Variants in SLC12A7 observed in about 807,000 individuals in gnomAD.
The protein encoded by SLC12A7 is solute carrier family 12 member 7.
In SLC12A7, 100 loss-of-function variants were observed where a neutral mutation model predicts 120.6. The observed-to-expected ratio is 0.83, with a 90% CI of 0.71 to 0.98. The LOEUF (loss-of-function observed/expected upper bound fraction) is 0.98. SLC12A7 is among the 50% of genes least tolerant of loss of function. The probability of loss-of-function intolerance (pLI) is 0.00; values close to 1 mark genes in which losing one functional copy is unlikely to be tolerated. For synonymous variants in SLC12A7, 760 were observed against 678.0 expected (o/e 1.12, Z -1.88); for missense variants, 1,373 against 1,548.1 (o/e 0.89, Z 1.90).
At chr5:1,094,738 C>T (rs1740913609) in intron 1 of SLC12A7, among the ~76,000 whole-genome samples, 1 of 152,176 alleles carries the variant, frequency 6.6e-6, no homozygotes, top group South Asian at 2.1e-4. Flanking sequence ...CTGCTTAATC[C>T]GCCATTTCGG....
In SLC12A7 at chr5:1,076,799, C is replaced by G. The variant is rs146000356; in HGVS notation, c.1643G>C (p.Gly548Ala). Residue 548 changes from glycine (G) to alanine (A), a missense_variant, in exon 13 of 24, where the codon GGG (glycine) becomes GCG (alanine). By Grantham distance (60) the Gly-to-Ala change is moderately conservative (BLOSUM62 0). Coordinates refer to ENST00000264930, the MANE Select transcript of SLC12A7 (RefSeq NM_006598.3). ...IVPFLQVFGH[G>A]KANGEPTWAL... ...CCACGTGGGCTCCCCGTTGGCCTTC[C>G]CGTGGCCAAACACCTGCAGGGAGAA... is the stretch of plus-strand genomic sequence containing the variant. 5.0e-6 allele frequency: 8 copies of G among 1,609,208 alleles called. No homozygotes were observed. Among genetic ancestry groups the G allele is most frequent in the Non-Finnish European group, 5.9e-6 (7 of 1,179,240 alleles).
the SLC12A7 span, among the ~76,000 whole-genome samples, chr5:1,121,863 G>A: frequency 5.3e-5 from 8 of 152,176 alleles, 1 homozygote; most frequent in Admixed American, 4.6e-4. Flanking sequence ...GCAGGCCTTG[G>A]AGGCCACTGT....
At chr5:1,074,521 A>C in intron 16 of SLC12A7, 46 bp downstream of exon 16, 1 of 1,548,124 alleles carries the variant, frequency 6.5e-7, no homozygotes, top group Admixed American at 1.8e-5. Context: ...CCTCAGAAAC[A>C]GCTCTTCTGT....
chr5:1,129,602 C>G, the SLC12A7 span, among the ~76,000 whole-genome samples: 1 of 151,728 alleles, frequency 6.6e-6, no homozygotes. Flanking sequence ...GGGCATCGGC[C>G]AACCCCCGAG....
At chr5:1,078,485 G>T (rs1228395401) in intron 11 of SLC12A7, 1 of 611,070 alleles carries the variant, frequency 1.6e-6, no homozygotes, top group African/African-American at 1.9e-5. Flanking sequence ...GCCGCATCAG[G>T]GCTTGGAGTT....
the SLC12A7 span, among the ~76,000 whole-genome samples, chr5:1,149,236 G>T: frequency 6.6e-6 from 1 of 150,608 alleles, no homozygotes; most frequent in Non-Finnish European, 1.5e-5. Context: ...AGCGCACAAG[G>T]GTCCCCACTT....
intron 17 of SLC12A7, among the ~76,000 whole-genome samples, chr5:1,070,038 C>T: frequency 2.0e-4 from 1 of 4,898 alleles, no homozygotes; most frequent in African/African-American, 3.9e-4. Context: ...CTTATGCAGC[C>T]CCCAGTGAGC....
At chr5:1,076,275 C>T (rs1738326483) in intron 13 of SLC12A7, 39 bp from the exon 14 acceptor site, 3 of 1,513,006 alleles carry the variant, frequency 2.0e-6, no homozygotes, top group Middle Eastern at 1.7e-4. Flanking sequence ...GCCCACTGGG[C>T]CCCCCTGAGC....
chr5:1,079,617 G>C, intron 9 of SLC12A7, 121 bp from the exon 10 acceptor site: 1 of 780,966 alleles, frequency 1.3e-6, no homozygotes. Flanking sequence ...AGCTGCAGCC[G>C]AGGCTGCAGT....
Position 1,094,156 on chromosome 5 carries a change from C to A in SLC12A7, c.217G>T (p.Glu73Ter). ...CTTCTTCTAAAAAGTAAAGTTACCT[C>A]GAAAAGTGCCATGTTCTTCCCTTCA... ...FFEGKNMALF[E>*]EEMDSNPMVS... The change falls in exon 2 of 24, where the codon GAG becomes TAG. Residue 73 changes from glutamate (E) to a stop codon, truncating the protein, a stop_gained and splice_region_variant. Coordinates refer to ENST00000264930, the MANE Select transcript of SLC12A7 (RefSeq NM_006598.3). LOFTEE classifies it high-confidence loss of function. 6.2e-7 allele frequency: 1 copy of A among 1,610,886 alleles called. No homozygotes were observed. The highest frequency in any genetic ancestry group is 8.5e-7 in the Non-Finnish European group (1 of 1,177,508).
chr5:1,146,307 T>C, the SLC12A7 span, among the ~76,000 whole-genome samples: 1 of 152,092 alleles, frequency 6.6e-6, no homozygotes, highest in African/African-American at 2.4e-5. This position sits in a 1 kb window ranked among gnomAD's most constrained non-coding sequence, Gnocchi z 6.5. Context: ...GGAGCCCAGA[T>C]GCTGGTGACC....
At chr5:1,082,057 C>T (rs1466085461) in intron 8 of SLC12A7, among the ~76,000 whole-genome samples, 19 of 62,756 alleles carry the variant, frequency 3.0e-4, no homozygotes, top group African/African-American at 1.4e-3. Flanking sequence ...TTCTGGAAAG[C>T]CTGGGCTTCC....
At chr5:1,076,578 G>A in intron 13 of SLC12A7, 116 bp downstream of exon 13, 1 of 766,106 alleles carries the variant, frequency 1.3e-6, no homozygotes, top group Non-Finnish European at 2.2e-6. Flanking sequence ...GATCCTGACT[G>A]CCCACAGCTG....
chr5:1,120,309 C>A, the SLC12A7 span, among the ~76,000 whole-genome samples: 243 of 152,324 alleles, frequency 1.6e-3, 2 homozygotes, highest in Non-Finnish European at 7.1e-4. Flanking sequence ...CCACAGGGCC[C>A]CCCCACCGGC....
the SLC12A7 span, among the ~76,000 whole-genome samples, chr5:1,150,913 A>AT: frequency 1.3e-5 from 2 of 152,206 alleles, no homozygotes; most frequent in African/African-American, 4.8e-5. Flanking sequence ...TGGTGGTCTG[A>AT]TTTTCCCAAC....
intron 17 of SLC12A7, among the ~76,000 whole-genome samples, chr5:1,069,451 AG>A (rs1737411141): frequency 6.6e-6 from 1 of 152,222 alleles, no homozygotes; most frequent in African/African-American, 2.4e-5. Flanking sequence ...ACAAGGTCCC[AG>A]TGGGGGCCTG....
At chr5:1,077,706 G>T (rs914214896) in intron 12 of SLC12A7, 127 bp downstream of exon 12, 51 of 1,007,022 alleles carry the variant, frequency 5.1e-5, no homozygotes, top group Non-Finnish European at 6.6e-5. Context: ...GCCAGGGGCA[G>T]AATGACCACC....
chr5:1,087,444 C>T (rs1172673810), intron 5 of SLC12A7, among the ~76,000 whole-genome samples: 1 of 152,276 alleles, frequency 6.6e-6, no homozygotes, highest in Non-Finnish European at 1.5e-5. Context: ...GAACCACGCA[C>T]GCTATCACTG....
At chr5:1,140,248 C>A in the SLC12A7 span, among the ~76,000 whole-genome samples, 1 of 152,218 alleles carries the variant, frequency 6.6e-6, no homozygotes, top group Non-Finnish European at 1.5e-5. Context: ...CCAGGCAGAT[C>A]CCCCTCCTGA....
Sources: gnomAD v4.1 joint callset for allele counts (sites outside exome capture counted in the v4.1 genomes callset) on GRCh38, gnomAD v4.1.1 for gene constraint, Gnocchi (gnomAD v3.1) non-coding constraint, MANE v1.5 for transcripts, NCBI Gene and HGNC (gene_info 2026-07-23, HGNC 2026-07-21) for gene names.